The following IL13RA1 variants were observed in gnomAD, a reference collection of about 807,000 sequenced individuals.
The protein encoded by IL13RA1 is interleukin-13 receptor subunit alpha-1.
IL13RA1 carries 14 observed loss-of-function variants against 33.8 expected under a neutral mutation model. The ratio of observed to expected loss-of-function variants is 0.41; its 90% CI spans 0.27 to 0.65. The LOEUF (loss-of-function observed/expected upper bound fraction) is 0.65, where lower values mean the gene tolerates loss of function less well. Among genes scored for constraint, IL13RA1 ranks in the 30% least tolerant of loss-of-function variants. IL13RA1 has a pLI of 0.28. For missense variants in IL13RA1, 313 were observed against 327.0 expected (o/e 0.96, Z 0.33); for synonymous variants, 116 against 115.7 (o/e 1.00, Z -0.02).
intron 4 of IL13RA1, among the ~76,000 whole-genome samples, chrX:118,752,768 G>A (rs983085029): frequency 8.9e-6 from 1 of 112,061 alleles, no homozygotes; most frequent in Non-Finnish European, 1.9e-5. Context: ...TCAGGGTTGC[G>A]GTGATGACTT....
chrX:118,783,196 T>C (rs2017864978), intron 10 of IL13RA1, among the ~76,000 whole-genome samples: 1 of 111,938 alleles, frequency 8.9e-6, no homozygotes, highest in Admixed American at 9.5e-5. Context: ...TAAAAACCTA[T>C]ATAACATGCC....
At chrX:118,763,663 C>T (rs920383051) in intron 6 of IL13RA1, among the ~76,000 whole-genome samples, 1 of 112,007 alleles carries the variant, frequency 8.9e-6, no homozygotes, top group African/African-American at 3.2e-5. Flanking sequence ...AAAACTAAGG[C>T]TCAGAGAGGT....
At chrX:118,772,174 T>C (rs1341585920) in intron 8 of IL13RA1, among the ~76,000 whole-genome samples, 2 of 112,584 alleles carry the variant, frequency 1.8e-5, no homozygotes, top group Non-Finnish European at 3.8e-5. Flanking sequence ...TAGAATCAGA[T>C]AGCTGGAAGG....
At chrX:118,776,656 G>T in intron 10 of IL13RA1, 145 bp downstream of exon 10, 1 of 359,960 alleles carries the variant, frequency 2.8e-6, no homozygotes. Context: ...TTCAGGCTGG[G>T]TATGGCAGCT....
chrX:118,764,324 G>A (rs1392940859), intron 6 of IL13RA1, among the ~76,000 whole-genome samples: 2 of 108,987 alleles, frequency 1.8e-5, no homozygotes, highest in Non-Finnish European at 3.8e-5. Context: ...AGGTTGATTC[G>A]GCAAGTTTGG....
At chrX:118,745,690 T>C (rs1339077109) in intron 2 of IL13RA1, among the ~76,000 whole-genome samples, 1 of 111,650 alleles carries the variant, frequency 9.0e-6, no homozygotes, top group East Asian at 2.8e-4. Flanking sequence ...TGGCAAATTT[T>C]CCTCTTCATG....
At position 118,761,160 on chromosome X, in the gene IL13RA1, TA is replaced by T; in HGVS notation, c.704del (p.Asn235ThrfsTer28). 2 of 1,039,366 alleles carry T rather than the reference TA, an allele frequency of 1.9e-6. No individual in the cohort carries two copies. The highest frequency in any genetic ancestry group is 2.6e-6 in the Non-Finnish European group (2 of 761,240). The allele number at this position is 1,039,366 out of a possible 1,213,427, so 85.7% of individuals were successfully genotyped here. On this transcript the variant is annotated frameshift_variant, in exon 6 of 11. Transcript: ENST00000371666. LOFTEE classifies it high-confidence loss of function. Reference protein sequence around the residue: ...SRVKPDPPHIKNLSFHNDDLY... With the variant: ...SRVKPDPPHIXNLSFHNDDLY... ...CAGTGAAACCTGATCCTCCACATAT[TA>T]AAAACCTCTCCTTCCACAATGATGA...
chrX:118,746,854 CT>C, intron 2 of IL13RA1, 99 bp from the exon 3 acceptor site: 2 of 609,935 alleles, frequency 3.3e-6, no homozygotes, highest in Non-Finnish European at 5.2e-6. Context: ...CATTTGATAA[CT>C]TTTTTGATAA....
chrX:118,767,695 G>A (rs764719547), intron 8 of IL13RA1, among the ~76,000 whole-genome samples: 1 of 112,078 alleles, frequency 8.9e-6, no homozygotes, highest in East Asian at 2.8e-4. Context: ...TTGAAAGGCT[G>A]AGCAAGCTAG....
At chrX:118,770,352 G>A (rs762812015) in intron 8 of IL13RA1, 6 of 363,848 alleles carry the variant, frequency 1.6e-5, no homozygotes, top group Admixed American at 3.0e-5. Context: ...CCGCGCTACC[G>A]CACTGCACCT....
At chrX:118,803,296 CTG>C in the IL13RA1 span, among the ~76,000 whole-genome samples, 1 of 112,201 alleles carries the variant, frequency 8.9e-6, no homozygotes, top group South Asian at 3.7e-4. Flanking sequence ...AGTAAGGAGA[CTG>C]TTACAGTGAA....
chrX:118,784,094 T>A (rs1424971170), intron 10 of IL13RA1, among the ~76,000 whole-genome samples: 4 of 59,965 alleles, frequency 6.7e-5, no homozygotes, highest in African/African-American at 2.2e-4. Flanking sequence ...AAAAAAAATA[T>A]ATATATATAT....
At position 118,749,755 on chromosome X, in the gene IL13RA1, C is replaced by T. The variant is rs2017450022; in HGVS notation, c.465C>T (p.Asp155=). The T allele has an allele frequency of 8.6e-7, 1 of 1,164,379 alleles. No individual in the cohort carries two copies. Among genetic ancestry groups the T allele is most frequent in the Non-Finnish European group, 1.2e-6 (1 of 852,545 alleles). ...SWLPGRNTSP[D]TNYTLYYWHR... is the part of the protein sequence containing the mutation. ...TCCCTGGAAGGAATACCAGTCCCGA[C>T]ACTAACTATACTCTCTACTATTGGT... Residue 155 remains aspartate (D), a synonymous_variant, in exon 4 of 11, where the codon GAC becomes GAT. Transcript: ENST00000371666.
rs1033421737 is a variant in IL13RA1 at position 118,792,125 on chromosome X, G to T, written c.*271G>T. ...GACAAAGCAAAAAGTGATGATAGTG[G>T]TGGAGTTAATCTTATCAAGAGTTGT... On this transcript the variant is annotated 3_prime_UTR_variant, in exon 11 of 11. Coordinates refer to ENST00000371666, the MANE Select transcript of IL13RA1 (RefSeq NM_001560.3). 1 of 178,879 alleles carries T rather than the reference G, an allele frequency of 5.6e-6. No homozygotes were observed. Among genetic ancestry groups the T allele is most frequent in the African/African-American group, 3.0e-5 (1 of 33,215 alleles). 14.7% of individuals were successfully genotyped at this position (178,879 alleles called of 1,213,427 possible).
intron 10 of IL13RA1, among the ~76,000 whole-genome samples, chrX:118,780,171 GA>G (rs201386722): frequency 2.7e-5 from 3 of 111,785 alleles, no homozygotes; most frequent in African/African-American, 9.8e-5. Flanking sequence ...TTAACCAAAT[GA>G]AAAAAATCTG....
In IL13RA1 at chrX:118,793,540, A is replaced by G. The variant is rs186810362; in HGVS notation, c.*1686A>G. ...CTATCCACACAACATATCCGTATAT[A>G]TCCCCTCTACTCTTACTTCCCCCAA... On this transcript the variant is annotated 3_prime_UTR_variant, in exon 11 of 11. Coordinates refer to ENST00000371666, the MANE Select transcript of IL13RA1 (RefSeq NM_001560.3). 1.8e-5 allele frequency: 2 copies of G among 111,608 alleles called. No individual in the cohort carries two copies. The highest frequency in any genetic ancestry group is 3.8e-5 in the Non-Finnish European group (2 of 53,137). The allele number at this position is 111,608 out of a possible 1,213,427, so 9.2% of individuals were successfully genotyped here. A position where few individuals can be genotyped will look rare whatever the true frequency, so the allele number is the denominator to read the frequency against.
At chrX:118,768,337 G>A (rs2017672330) in intron 8 of IL13RA1, among the ~76,000 whole-genome samples, 1 of 111,958 alleles carries the variant, frequency 8.9e-6, no homozygotes. Flanking sequence ...TGAGTCAGGA[G>A]TCTAGCCACG....
chrX:118,778,172 T>A (rs1181470681), intron 10 of IL13RA1, among the ~76,000 whole-genome samples: 1 of 112,315 alleles, frequency 8.9e-6, no homozygotes, highest in African/African-American at 3.2e-5. Flanking sequence ...GTGATTAGTA[T>A]TACTATTGAT....
chrX:118,741,081 A>G lies in IL13RA1; in HGVS notation c.153A>G (p.Thr51=), dbSNP rs753216912. 1.3e-5 allele frequency: 14 copies of G among 1,113,581 alleles called. No homozygotes were observed. The South Asian group carries it at 1.8e-4, about 15-fold the overall frequency. 91.8% of individuals were successfully genotyped at this position (1,113,581 alleles called of 1,213,427 possible). A position where few individuals can be genotyped will look rare whatever the true frequency, so the allele number is the denominator to read the frequency against. Residue 51 remains threonine, a synonymous_variant, in exon 2 of 11, where the codon ACA becomes ACG. Coordinates refer to ENST00000371666, the MANE Select transcript of IL13RA1 (RefSeq NM_001560.3). ...SVENLCTVIW[T]WNPPEGASSN... ...AAAACCTCTGCACAGTAATATGGAC[A>G]TGGAATCCACCCGAGGGAGCCAGCT...
Sources: allele counts gnomAD v4.1 joint callset (sites outside exome capture counted in the v4.1 genomes callset), GRCh38; gene constraint gnomAD v4.1.1; transcripts MANE v1.5; gene names NCBI Gene and HGNC (gene_info 2026-07-23, HGNC 2026-07-21).